Variants in ADAT2 observed in about 807,000 individuals in gnomAD.
ADAT2 encodes the protein tRNA-specific adenosine-34 deaminase catalytic subunit ADAT2.
ADAT2 carries 26 observed loss-of-function variants against 25.9 expected under a neutral mutation model. The ratio of observed to expected loss-of-function variants is 1.00; its 90% CI spans 0.74 to 1.39. The LOEUF (loss-of-function observed/expected upper bound fraction) is 1.39. Ranked by LOEUF, ADAT2 falls within the 40% of genes most tolerant of loss-of-function variation. ADAT2 has a pLI of 0.00. For missense variants in ADAT2, 220 were observed against 244.8 expected (o/e 0.90, Z 0.68); for synonymous variants, 76 against 86.8 (o/e 0.88, Z 0.69).
chr6:143,427,513 T>G lies in ADAT2; in HGVS notation c.*950A>C, dbSNP rs1355630526. On this transcript the variant is annotated 3_prime_UTR_variant, in exon 6 of 6. Coordinates refer to ENST00000237283, the MANE Select transcript of ADAT2 (RefSeq NM_182503.3). The stretch of plus-strand genomic sequence containing the variant: ...ACCCTTTCCAGTGTTGTGTTCAAAA[T>G]TTTACATTTTAGATTTTAAATTTAT... 1.3e-5 allele frequency: 2 copies of G among 152,188 alleles called. No individual in the cohort carries two copies. The highest frequency in any genetic ancestry group is 2.9e-5 in the Non-Finnish European group (2 of 68,022). 9.4% of individuals were successfully genotyped at this position (152,188 alleles called of 1,614,324 possible).
At chr6:143,438,727 T>A in intron 1 of ADAT2, 33 bp from the exon 2 acceptor site, 1 of 1,529,316 alleles carries the variant, frequency 6.5e-7, no homozygotes, top group South Asian at 1.1e-5. Flanking sequence ...TAAGACGTAA[T>A]ACTCCATACT....
In ADAT2 at chr6:143,442,939, T is replaced by C. The variant is rs1779503007; in HGVS notation, c.97-4245A>G. 6.6e-6 allele frequency among the ~76,000 whole-genome samples: 1 copy of C among 152,198 alleles called. No individual in the cohort carries two copies. Among genetic ancestry groups the C allele is most frequent in the Non-Finnish European group, 1.5e-5 (1 of 68,030 alleles). On this transcript the variant is annotated intron_variant, in intron 1 of 5. Coordinates refer to ENST00000237283, the MANE Select transcript of ADAT2 (RefSeq NM_182503.3). The surrounding 1 kb of genome is among the most constrained non-coding windows in gnomAD (Gnocchi z 4.6). ...GTTAAATTTTTAACTCCAGCTATAC[T>C]TTCCCCAACAAACCTCTTAAGAGAG...
chr6:143,446,034 T>C lies in ADAT2; in HGVS notation c.96+4529A>G, dbSNP rs1779589106. Among the ~76,000 whole-genome samples, 1 of 151,302 alleles carries C rather than the reference T, an allele frequency of 6.6e-6. No individual in the cohort carries two copies. Among genetic ancestry groups the C allele is most frequent in the Non-Finnish European group, 1.5e-5 (1 of 67,890 alleles). On this transcript the variant is annotated intron_variant, in intron 1 of 5. Coordinates refer to ENST00000237283, the MANE Select transcript of ADAT2 (RefSeq NM_182503.3). This position sits in a 1 kb window ranked among gnomAD's most constrained non-coding sequence, Gnocchi z 5.0. Reference sequence around the variant, plus strand: ...TTCCTAATTATAAAGTAAGATGTGTTCAAGGTGGAGAACTTAGCGATTAAA... The same window carrying C: ...TTCCTAATTATAAAGTAAGATGTGTCCAAGGTGGAGAACTTAGCGATTAAA...
Position 143,437,147 on chromosome 6 carries a change from T to C in ADAT2, c.201+1443A>G, listed in dbSNP as rs909293771. On this transcript the variant is annotated intron_variant, in intron 2 of 5. Coordinates refer to ENST00000237283, the MANE Select transcript of ADAT2 (RefSeq NM_182503.3). This position sits in a 1 kb window ranked among gnomAD's most constrained non-coding sequence, Gnocchi z 4.1. ...CATGGTTATATATAAATCTGAATTG[T>C]CCAACTACTTTGTCGGAACAGTTCC... is the stretch of plus-strand genomic sequence containing the variant. Among the ~76,000 whole-genome samples the C allele has an allele frequency of 6.6e-6, 1 of 152,208 alleles. No homozygotes were observed. Among genetic ancestry groups the C allele is most frequent in the African/African-American group, 2.4e-5 (1 of 41,456 alleles).
chr6:143,423,887 G>C lies in ADAT2; in HGVS notation c.*4576C>G, dbSNP rs1778852599. The stretch of plus-strand genomic sequence containing the variant: ...GGGCTGTATAGGCCCATCAAGAATG[G>C]GGGCCAAGGTGGAGGCCTGGTTAAA... On this transcript the variant is annotated 3_prime_UTR_variant, in exon 6 of 6. Transcript: ENST00000237283. 1 of 152,192 alleles carries C rather than the reference G, an allele frequency of 6.6e-6. No homozygotes were observed. The highest frequency in any genetic ancestry group is 2.4e-5 in the African/African-American group (1 of 41,446). The allele number at this position is 152,192 out of a possible 1,614,324, so 9.4% of individuals were successfully genotyped here.
chr6:143,439,555 C>T (rs1418139191), intron 1 of ADAT2, among the ~76,000 whole-genome samples: 1 of 152,120 alleles, frequency 6.6e-6, no homozygotes, highest in African/African-American at 2.4e-5. Context: ...GCCTCATAGA[C>T]ATGCTAAGTA....
intron 1 of ADAT2, among the ~76,000 whole-genome samples, chr6:143,443,619 T>C (rs1779521623): frequency 1.3e-5 from 2 of 151,878 alleles, no homozygotes; most frequent in African/African-American, 2.4e-5. Flanking sequence ...TCATCTTAGG[T>C]CAGGAGTTTG....
At chr6:143,431,018 C>T (rs1193222405) in intron 4 of ADAT2, among the ~76,000 whole-genome samples, 1 of 152,210 alleles carries the variant, frequency 6.6e-6, no homozygotes, top group Non-Finnish European at 1.5e-5. Flanking sequence ...CAGTATCCCA[C>T]CTCCCAATCA....
In ADAT2 at chr6:143,432,659, A is replaced by G. The variant is rs1779150871; in HGVS notation, c.353-48T>C. On this transcript the variant is annotated intron_variant, in intron 3 of 5. Transcript: ENST00000237283. The surrounding 1 kb of genome is among the most constrained non-coding windows in gnomAD (Gnocchi z 4.4). ...CATAGAATGTACATTTCAAGTATGT[A>G]TCGTGACAAAATCAGAGTAGGTTTA... is the stretch of plus-strand genomic sequence containing the variant. 2 of 1,577,770 alleles carry G rather than the reference A, an allele frequency of 1.3e-6. No individual in the cohort carries two copies. Among genetic ancestry groups the G allele is most frequent in the Non-Finnish European group, 1.7e-6 (2 of 1,147,616 alleles).
At position 143,440,794 on chromosome 6, in the gene ADAT2, T is replaced by C. The variant is rs183876437; in HGVS notation, c.97-2100A>G. ...ACCAGTGTAGCTATGGCAATTATTA[T>C]ACTAAGAATTTTATTTAAGGTAAGT... On this transcript the variant is annotated intron_variant, in intron 1 of 5. Transcript: ENST00000237283. This position sits in a 1 kb window ranked among gnomAD's most constrained non-coding sequence, Gnocchi z 4.5. 1.3e-5 allele frequency among the ~76,000 whole-genome samples: 2 copies of C among 152,320 alleles called. No individual in the cohort carries two copies. The highest frequency in any genetic ancestry group is 2.1e-4 in the South Asian group (1 of 4,828).
Position 143,440,621 on chromosome 6 carries a change from C to A in ADAT2, c.97-1927G>T. 6.6e-6 allele frequency among the ~76,000 whole-genome samples: 1 copy of A among 152,132 alleles called. No homozygotes were observed. The highest frequency in any genetic ancestry group is 1.9e-4 in the East Asian group (1 of 5,186). ...GGCCGGTTGTGTCCCAGTTCTGTGACAGTGGTTAAAGCATGTCCAGTTTAT... is the reference window on the plus strand; with the variant it reads ...GGCCGGTTGTGTCCCAGTTCTGTGAAAGTGGTTAAAGCATGTCCAGTTTAT... On this transcript the variant is annotated intron_variant, in intron 1 of 5. Transcript: ENST00000237283. This position sits in a 1 kb window ranked among gnomAD's most constrained non-coding sequence, Gnocchi z 4.5.
chr6:143,444,809 G>T lies in ADAT2; in HGVS notation c.96+5754C>A, dbSNP rs190309263. 201 of 657,950 alleles carry T rather than the reference G, an allele frequency of 3.1e-4. 1 individual carries two copies. In the African/African-American group the frequency reaches 3.7e-3, roughly 12 times the overall value. The allele number at this position is 657,950 out of a possible 1,614,324, so 40.8% of individuals were successfully genotyped here. ...TCTAGTCAGGGCCTGCCCAGATACA[G>T]ATAATGAAAGCACCTAGATGGAAGA... On this transcript the variant is annotated intron_variant, in intron 1 of 5. Coordinates refer to ENST00000237283, the MANE Select transcript of ADAT2 (RefSeq NM_182503.3). This position sits in a 1 kb window ranked among gnomAD's most constrained non-coding sequence, Gnocchi z 4.3.
intron 1 of ADAT2, among the ~76,000 whole-genome samples, chr6:143,445,639 G>A (rs1779579370): frequency 1.3e-5 from 2 of 152,058 alleles, no homozygotes; most frequent in South Asian, 2.1e-4. Flanking sequence ...GTCTCTTGTG[G>A]TCTTTGGACA....
rs1483019103 is a variant in ADAT2 at position 143,424,309 on chromosome 6, C to T, written c.*4154G>A. On this transcript the variant is annotated 3_prime_UTR_variant, in exon 6 of 6. Coordinates refer to ENST00000237283, the MANE Select transcript of ADAT2 (RefSeq NM_182503.3). The surrounding 1 kb of genome is among the most constrained non-coding windows in gnomAD (Gnocchi z 4.8). ...TCCCTGGGGCTATAAGGCCAGTTCACGTAGGACCACTGGGAAAGACAAGCT... is the reference window on the plus strand; with the variant it reads ...TCCCTGGGGCTATAAGGCCAGTTCATGTAGGACCACTGGGAAAGACAAGCT... 1.3e-5 allele frequency: 2 copies of T among 152,170 alleles called. No individual in the cohort carries two copies. The highest frequency in any genetic ancestry group is 2.9e-5 in the Non-Finnish European group (2 of 68,014). The allele number at this position is 152,170 out of a possible 1,614,324, so 9.4% of individuals were successfully genotyped here.
chr6:143,442,476 T>TACACACACACACACACACACACAC lies in ADAT2; in HGVS notation c.97-3806_97-3783dup, dbSNP rs35133336. ...CATGACAAAATTGCATAGGCACGCA[T>TACACACACACACACACACACACAC]ACACACACACACACACACACACACA... On this transcript the variant is annotated intron_variant, in intron 1 of 5. Transcript: ENST00000237283. This position sits in a 1 kb window ranked among gnomAD's most constrained non-coding sequence, Gnocchi z 4.6. 9.8e-5 allele frequency among the ~76,000 whole-genome samples: 14 copies of TACACACACACACACACACACACAC among 142,236 alleles called. No individual in the cohort carries two copies. Among genetic ancestry groups the TACACACACACACACACACACACAC allele is most frequent in the African/African-American group, 3.7e-4 (14 of 38,262 alleles). 93.3% of individuals were successfully genotyped at this position (142,236 alleles called of 152,430 possible).
At chr6:143,447,119 G>C (rs1219308009) in intron 1 of ADAT2, among the ~76,000 whole-genome samples, 1 of 152,220 alleles carries the variant, frequency 6.6e-6, no homozygotes, top group African/African-American at 2.4e-5. Context: ...TCCTTTTGTA[G>C]TGATGGAAAT....
In ADAT2 at chr6:143,450,582, A is replaced by G. The variant is rs1279337002; in HGVS notation, c.77T>C (p.Met26Thr). The change falls in exon 1 of 6, where the codon ATG becomes ACG. Residue 26 changes from methionine to threonine, a missense_variant. Physicochemically the swap from Met to Thr is moderately conservative, Grantham distance 81 (BLOSUM62 -1). Coordinates refer to ENST00000237283, the MANE Select transcript of ADAT2 (RefSeq NM_182503.3). ...SVSAEETEKWMEEAMHMAKEA... is the reference protein window; with the variant it reads ...SVSAEETEKWTEEAMHMAKEA... ...CCTCACCATGTGCATCGCCTCCTCC[A>G]TCCACTTTTCGGTCTCCTCTGCCGA... 1.2e-6 allele frequency: 2 copies of G among 1,613,840 alleles called. No individual in the cohort carries two copies. The highest frequency in any genetic ancestry group is 1.7e-6 in the Non-Finnish European group (2 of 1,180,002).
chr6:143,431,151 G>T (rs1779104541), intron 4 of ADAT2, among the ~76,000 whole-genome samples: 1 of 152,222 alleles, frequency 6.6e-6, no homozygotes, highest in African/African-American at 2.4e-5. Flanking sequence ...TTGGCATTCA[G>T]CCTGGAGATA....
chr6:143,425,733 T>TTTTGTGTGTG lies in ADAT2; in HGVS notation c.*2729_*2730insCACACACAAA, dbSNP rs1778912688. 7.3e-6 allele frequency: 1 copy of TTTTGTGTGTG among 136,514 alleles called. No individual in the cohort carries two copies. The highest frequency in any genetic ancestry group is 1.5e-5 in the Non-Finnish European group (1 of 65,126). The allele number at this position is 136,514 out of a possible 1,614,324, so 8.5% of individuals were successfully genotyped here. On this transcript the variant is annotated 3_prime_UTR_variant, in exon 6 of 6. Transcript: ENST00000237283. ...GGTAAAGGGCCATGGTGTGTTGTGT[T>TTTTGTGTGTG]TGTGTGTGTGTGTGTGTGTGTGTGT... is the stretch of plus-strand genomic sequence containing the variant.
Sources: gnomAD v4.1 joint callset for allele counts (sites outside exome capture counted in the v4.1 genomes callset) on GRCh38, gnomAD v4.1.1 for gene constraint, Gnocchi (gnomAD v3.1) non-coding constraint, MANE v1.5 for transcripts, NCBI Gene and HGNC (gene_info 2026-07-23, HGNC 2026-07-21) for gene names.